The following EXOC4 variants were observed in gnomAD, a reference collection of about 807,000 sequenced individuals.
The protein encoded by EXOC4 is exocyst complex component 4, also known as SEC8-like 1.
In EXOC4, 71 loss-of-function variants were observed where a neutral mutation model predicts 107.2. The observed-to-expected ratio is 0.66, with a 90% CI of 0.55 to 0.81. The LOEUF (loss-of-function observed/expected upper bound fraction) is 0.81, where lower values mean the gene tolerates loss of function less well. Among genes scored for constraint, EXOC4 ranks in the 30% least tolerant of loss-of-function variants. The pLI is 0.00. For synonymous variants in EXOC4, 456 were observed against 441.2 expected, an observed-to-expected ratio of 1.03 and a Z score of -0.42; for missense variants, 1,108 against 1,189.6, an observed-to-expected ratio of 0.93 and a Z score of 1.01.
At chr7:133,849,911 A>G (rs1365865535) in intron 11 of EXOC4, among the ~76,000 whole-genome samples, 1 of 152,238 alleles carries the variant, frequency 6.6e-6, no homozygotes, top group Admixed American at 6.5e-5. Context: ...CTTTAACAAT[A>G]TGCTATAAAC....
At chr7:133,644,398 ATGAC>A (rs1802937681) in intron 10 of EXOC4, among the ~76,000 whole-genome samples, 1 of 152,126 alleles carries the variant, frequency 6.6e-6, no homozygotes, top group Admixed American at 6.6e-5. Flanking sequence ...TTGTAGTTGA[ATGAC>A]TGTGGTTCCC....
intron 10 of EXOC4, among the ~76,000 whole-genome samples, chr7:133,636,262 C>A (rs886899162): frequency 6.6e-6 from 1 of 152,014 alleles, no homozygotes; most frequent in Non-Finnish European, 1.5e-5. Flanking sequence ...TAAGAGACAA[C>A]GCTTAACCAG....
chr7:133,510,749 A>G (rs371696281), intron 9 of EXOC4, among the ~76,000 whole-genome samples: 1 of 152,212 alleles, frequency 6.6e-6, no homozygotes, highest in East Asian at 1.9e-4. Flanking sequence ...CAGGGCCTCA[A>G]ATAACTACTT....
chr7:133,915,242 A>G (rs1426099975), intron 12 of EXOC4, among the ~76,000 whole-genome samples: 2 of 151,864 alleles, frequency 1.3e-5, no homozygotes, highest in Non-Finnish European at 2.9e-5. Context: ...AGATTCATTC[A>G]TTCATTCATT....
intron 14 of EXOC4, among the ~76,000 whole-genome samples, chr7:133,968,601 CT>C (rs1289447909): frequency 6.6e-6 from 1 of 152,080 alleles, no homozygotes; most frequent in African/African-American, 2.4e-5. Context: ...ACTTATGAAG[CT>C]TAGTTTGGCT....
intron 6 of EXOC4, among the ~76,000 whole-genome samples, chr7:133,360,600 A>T (rs1249419845): frequency 1.3e-5 from 2 of 152,184 alleles, no homozygotes; most frequent in Admixed American, 1.3e-4. Flanking sequence ...AAAAGCAGAG[A>T]ACTTTGTGGG....
At chr7:133,745,624 G>A (rs145840374) in intron 10 of EXOC4, among the ~76,000 whole-genome samples, 85 of 151,076 alleles carry the variant, frequency 5.6e-4, no homozygotes, top group Middle Eastern at 3.5e-3. Context: ...ATTAAAACAA[G>A]CATTTAAACA....
intron 6 of EXOC4, among the ~76,000 whole-genome samples, chr7:133,369,800 C>CTTTTTTT (rs35258276): frequency 2.7e-4 from 23 of 86,660 alleles, no homozygotes; most frequent in Non-Finnish European, 4.1e-4. Context: ...ACTAGATTTC[C>CTTTTTTT]TTTTTTTTTT....
intron 5 of EXOC4, among the ~76,000 whole-genome samples, chr7:133,354,030 T>A (rs1795969533): frequency 3.3e-5 from 5 of 152,086 alleles, no homozygotes; most frequent in Admixed American, 3.3e-4. Context: ...TTTTCTTGAC[T>A]TTCTCTTTAT....
intron 12 of EXOC4, among the ~76,000 whole-genome samples, chr7:133,905,358 G>A (rs962638093): frequency 6.6e-6 from 1 of 152,138 alleles, no homozygotes; most frequent in Non-Finnish European, 1.5e-5. Context: ...TCCTAAACAG[G>A]GAAATGAGGG....
At chr7:133,576,270 T>A (rs1273136784) in intron 9 of EXOC4, among the ~76,000 whole-genome samples, 1 of 152,150 alleles carries the variant, frequency 6.6e-6, no homozygotes, top group East Asian at 1.9e-4. Flanking sequence ...AAAGATTTAT[T>A]TTTTGCCTGA....
intron 9 of EXOC4, among the ~76,000 whole-genome samples, chr7:133,567,220 T>C (rs1800923916): frequency 6.6e-6 from 1 of 152,080 alleles, no homozygotes; most frequent in South Asian, 2.1e-4. Context: ...TTCTTATATA[T>C]CATTCTAGAA....
intron 14 of EXOC4, among the ~76,000 whole-genome samples, chr7:133,942,630 G>T (rs956318010): frequency 1.3e-5 from 2 of 152,172 alleles, no homozygotes; most frequent in Non-Finnish European, 2.9e-5. Context: ...AACTGAGATG[G>T]AGCAGGTCTT....
intron 10 of EXOC4, among the ~76,000 whole-genome samples, chr7:133,796,362 T>G (rs1796814427): frequency 6.6e-6 from 1 of 152,142 alleles, no homozygotes; most frequent in South Asian, 2.1e-4. Flanking sequence ...AGAGAACCAC[T>G]CCTCCTGATC....
intron 5 of EXOC4, 90 bp downstream of exon 5, chr7:133,317,480 G>C (rs1795017296): frequency 1.1e-6 from 1 of 882,480 alleles, no homozygotes. Context: ...GGCTGAGCTA[G>C]GTTGGGCTGG....
At chr7:133,686,967 A>G (rs1035878839) in intron 10 of EXOC4, among the ~76,000 whole-genome samples, 3 of 151,658 alleles carry the variant, frequency 2.0e-5, no homozygotes, top group Middle Eastern at 3.2e-3. Flanking sequence ...CCAAATGCCT[A>G]TCAATCAATG....
intron 10 of EXOC4, among the ~76,000 whole-genome samples, chr7:133,737,981 A>G (rs1258585374): frequency 1.6e-5 from 2 of 124,820 alleles, no homozygotes; most frequent in African/African-American, 6.3e-5. Flanking sequence ...GTGCAATCTC[A>G]TTTCACTGCA....
intron 9 of EXOC4, among the ~76,000 whole-genome samples, chr7:133,592,519 T>G (rs1181935240): frequency 6.6e-6 from 1 of 152,198 alleles, no homozygotes; most frequent in Non-Finnish European, 1.5e-5. Context: ...CTCGGCTCAC[T>G]GCCACCTCTG....
rs145908049 is a variant in EXOC4, at chr7:133,635,811, C to T, written c.1514+5670C>T. The stretch of plus-strand genomic sequence containing the variant: ...CCTCACATGGCCTCTTCCCTGTGCA[C>T]TGGGACAGAGCTCCCTGGAGTCCCT... On this transcript the variant is annotated intron_variant, in intron 10 of 17. Coordinates refer to ENST00000253861, the MANE Select transcript of EXOC4 (RefSeq NM_021807.4). 7.2e-5 allele frequency among the ~76,000 whole-genome samples: 11 copies of T among 152,310 alleles called. No individual in the cohort carries two copies. The South Asian group carries it at 1.7e-3, about 23-fold the overall frequency.
Sources: allele counts gnomAD v4.1 joint callset (sites outside exome capture counted in the v4.1 genomes callset), GRCh38; gene constraint gnomAD v4.1.1; transcripts MANE v1.5; gene names NCBI Gene and HGNC (gene_info 2026-07-23, HGNC 2026-07-21).